The following DGKB variants were observed in gnomAD, a reference collection of about 807,000 sequenced individuals.
DGKB encodes 90 kDa diacylglycerol kinase.
Under a neutral mutation model 114.3 loss-of-function variants are expected in DGKB, and 67 were observed. The observed-to-expected ratio is 0.59, with a 90% CI of 0.48 to 0.72. The LOEUF (loss-of-function observed/expected upper bound fraction) is 0.72, where lower values mean the gene tolerates loss of function less well. Among genes scored for constraint, DGKB ranks in the 30% least tolerant of loss-of-function variants. The probability of loss-of-function intolerance (pLI) is 0.00; values close to 1 mark genes in which losing one functional copy is unlikely to be tolerated. For missense variants in DGKB, 907 were observed against 975.2 expected (o/e 0.93, Z 0.93); for synonymous variants, 398 against 323.1 (o/e 1.23, Z -2.49).
chr7:14,162,294 A>G (rs140904719), intron 25 of DGKB, among the ~76,000 whole-genome samples: 1 of 152,332 alleles, frequency 6.6e-6, no homozygotes, highest in East Asian at 1.9e-4. Context: ...TCTGATGATA[A>G]CCATCAACTG....
intron 18 of DGKB, among the ~76,000 whole-genome samples, chr7:14,581,580 T>G (rs2128724614): frequency 6.6e-6 from 1 of 152,310 alleles, no homozygotes; most frequent in African/African-American, 2.4e-5. Context: ...GCAGTAAAGA[T>G]CTCTGCCGCT....
chr7:14,759,509 T>C (rs1342492153), intron 2 of DGKB, among the ~76,000 whole-genome samples: 1 of 152,186 alleles, frequency 6.6e-6, no homozygotes, highest in East Asian at 1.9e-4. Flanking sequence ...AATCATATAA[T>C]ATGTTTCCTT....
At chr7:14,355,594 T>C (rs1814296990) in intron 21 of DGKB, among the ~76,000 whole-genome samples, 2 of 152,240 alleles carry the variant, frequency 1.3e-5, no homozygotes, top group Admixed American at 6.5e-5. Context: ...GATTTGTGTA[T>C]GTTGAACCAG....
chr7:14,949,865 C>A (rs1786085824), intron 1 of DGKB, among the ~76,000 whole-genome samples: 1 of 151,686 alleles, frequency 6.6e-6, no homozygotes, highest in Non-Finnish European at 1.5e-5. Context: ...GAAAACCAAA[C>A]ACTGCATGTT....
intron 25 of DGKB, among the ~76,000 whole-genome samples, chr7:14,160,798 C>T (rs965041216): frequency 2.6e-5 from 4 of 152,086 alleles, no homozygotes; most frequent in Non-Finnish European, 5.9e-5. Flanking sequence ...CAAAAAAGAG[C>T]CCGTATAGCC....
At chr7:14,823,905 G>C (rs1465868270) in intron 2 of DGKB, among the ~76,000 whole-genome samples, 1 of 152,074 alleles carries the variant, frequency 6.6e-6, no homozygotes, top group Non-Finnish European at 1.5e-5. Flanking sequence ...TTCTCACGGT[G>C]CTAATAAAAA....
At chr7:14,295,425 G>C (rs1413994378) in intron 23 of DGKB, among the ~76,000 whole-genome samples, 1 of 152,090 alleles carries the variant, frequency 6.6e-6, no homozygotes, top group African/African-American at 2.4e-5. Context: ...GGGGCCAAAA[G>C]TGTGTTTGAA....
At position 14,701,697 on chromosome 7, in the gene DGKB, C is replaced by T; in HGVS notation, c.500G>A (p.Gly167Asp). Reference protein sequence around the residue: ...MFRLYDTDGNGFLDSSELENI... With the variant: ...MFRLYDTDGNDFLDSSELENI... ...AAAAATTACCGAGCTGTCCAGGAAG[C>T]CATTCCCATCCGTGTCATAAAGGCG... The change falls in exon 7 of 26, where the codon GGC (glycine) becomes GAC (aspartate). Residue 167 changes from glycine (G) to aspartate (D), a missense_variant. By Grantham distance (94) the Gly-to-Asp change is moderately conservative. Transcript: ENST00000402815. 6.2e-7 allele frequency: 1 copy of T among 1,611,970 alleles called. No homozygotes were observed. Among genetic ancestry groups the T allele is most frequent in the Non-Finnish European group, 8.5e-7 (1 of 1,178,268 alleles).
intron 23 of DGKB, among the ~76,000 whole-genome samples, chr7:14,213,767 A>T (rs1408469759): frequency 1.3e-5 from 2 of 152,144 alleles, no homozygotes; most frequent in African/African-American, 4.8e-5. Flanking sequence ...CATGCCTTCC[A>T]CCAGCTTTCA....
intron 1 of DGKB, among the ~76,000 whole-genome samples, chr7:14,933,926 G>T (rs1785156385): frequency 6.6e-6 from 1 of 152,074 alleles, no homozygotes; most frequent in African/African-American, 2.4e-5. Flanking sequence ...AATCATGAAA[G>T]CTTGTGCTCC....
intron 1 of DGKB, among the ~76,000 whole-genome samples, chr7:14,927,246 A>C (rs1784793103): frequency 6.6e-6 from 1 of 152,060 alleles, no homozygotes; most frequent in Non-Finnish European, 1.5e-5. Flanking sequence ...GGTCTCCTTA[A>C]CTATGACTTC....
rs568611541 is a variant in DGKB at position 14,763,167 on chromosome 7, T to C, written c.71-5436A>G. ...TCTTCTTTTGCTGATGATTTTTTTT[T>C]CCTCAGGAATCCCGCCAATGTTGAG... On this transcript the variant is annotated intron_variant, in intron 2 of 25. Transcript: ENST00000402815. 3.3e-5 allele frequency among the ~76,000 whole-genome samples: 5 copies of C among 152,226 alleles called. No individual in the cohort carries two copies. The East Asian group carries it at 7.7e-4, about 24-fold the overall frequency.
intron 6 of DGKB, among the ~76,000 whole-genome samples, chr7:14,708,533 C>G (rs2128327233): frequency 6.6e-6 from 1 of 151,434 alleles, no homozygotes; most frequent in East Asian, 1.9e-4. Flanking sequence ...AAGAACAAAG[C>G]TGGAGGCATC....
intron 2 of DGKB, among the ~76,000 whole-genome samples, chr7:14,784,936 C>A (rs1839668637): frequency 6.6e-6 from 1 of 151,942 alleles, no homozygotes. Context: ...TATGTCTAGT[C>A]TGCCACACTA....
intron 13 of DGKB, among the ~76,000 whole-genome samples, chr7:14,664,095 A>G (rs1463542672): frequency 6.6e-6 from 1 of 151,954 alleles, no homozygotes; most frequent in African/African-American, 2.4e-5. Context: ...ACTATCCTGG[A>G]TGGTTTTAAG....
intron 1 of DGKB, among the ~76,000 whole-genome samples, chr7:14,937,679 C>A (rs1422068948): frequency 6.6e-6 from 1 of 151,988 alleles, no homozygotes; most frequent in Non-Finnish European, 1.5e-5. Context: ...ATACAGCTGG[C>A]CCTTGAACAA....
intron 2 of DGKB, among the ~76,000 whole-genome samples, chr7:14,786,363 C>T (rs1475012652): frequency 6.6e-6 from 1 of 152,174 alleles, no homozygotes; most frequent in Non-Finnish European, 1.5e-5. Flanking sequence ...CATATTTAAA[C>T]TGAAAATACC....
upstream of DGKB, among the ~76,000 whole-genome samples, chr7:14,905,812 A>C (rs1279665121): frequency 6.6e-6 from 1 of 152,226 alleles, no homozygotes; most frequent in Non-Finnish European, 1.5e-5. Context: ...TGTGCACAGT[A>C]AAATAACGTT....
At chr7:14,957,182 G>C (rs970615961) in intron 1 of DGKB, among the ~76,000 whole-genome samples, 3 of 151,890 alleles carry the variant, frequency 2.0e-5, no homozygotes, top group Non-Finnish European at 4.4e-5. Flanking sequence ...TGCTTAGCCT[G>C]ATTCAATGAC....
Sources: gnomAD v4.1 joint callset for allele counts (sites outside exome capture counted in the v4.1 genomes callset) on GRCh38, gnomAD v4.1.1 for gene constraint, MANE v1.5 for transcripts, NCBI Gene and HGNC (gene_info 2026-07-23, HGNC 2026-07-21) for gene names.